The following HACD3 variants were observed in gnomAD, a reference collection of about 807,000 sequenced individuals.
HACD3 encodes the protein 3-hydroxyacyl-CoA dehydratase 3.
A neutral mutation model predicts 55.2 loss-of-function variants in HACD3; 30 were observed. The observed-to-expected ratio is 0.54, with a 90% CI of 0.41 to 0.74. HACD3 has a LOEUF of 0.74. Among genes scored for constraint, HACD3 ranks in the 30% least tolerant of loss-of-function variants. The pLI is 0.00. For missense variants in HACD3, 363 were observed against 440.1 expected, an observed-to-expected ratio of 0.82 and a Z score of 1.57; for synonymous variants, 141 against 151.7, an observed-to-expected ratio of 0.93 and a Z score of 0.52.
intron 1 of HACD3, chr15:65,535,890 A>C (rs1366281485): frequency 1.9e-6 from 1 of 530,526 alleles, no homozygotes; most frequent in Non-Finnish European, 3.4e-6. Flanking sequence ...GGGTCTCATT[A>C]TGTTGGCCAG....
At chr15:65,544,889 C>T (rs2072058767) in intron 1 of HACD3, among the ~76,000 whole-genome samples, 1 of 151,866 alleles carries the variant, frequency 6.6e-6, no homozygotes, top group Non-Finnish European at 1.5e-5. Context: ...GGCGTGGTTG[C>T]ACGTGTCTGT....
chr15:65,569,222 T>A (rs2072324244), intron 7 of HACD3, among the ~76,000 whole-genome samples: 1 of 139,950 alleles, frequency 7.1e-6, no homozygotes, highest in South Asian at 2.2e-4. Flanking sequence ...CACTCCAGCC[T>A]GGACGACAGA....
intron 1 of HACD3, among the ~76,000 whole-genome samples, chr15:65,540,869 G>A (rs1461751749): frequency 6.6e-6 from 1 of 152,246 alleles, no homozygotes; most frequent in African/African-American, 2.4e-5. Flanking sequence ...TGTTATAGTA[G>A]TATGGGTAAG....
At chr15:65,564,842 A>G (rs2072276835) in intron 7 of HACD3, 1 of 153,018 alleles carries the variant, frequency 6.5e-6, no homozygotes, top group Non-Finnish European at 1.5e-5. Flanking sequence ...AGTCCCCCAA[A>G]GTCTTATTTC....
rs151201949 is a variant in HACD3, at chr15:65,572,276, G to A, written c.922G>A (p.Gly308Arg). The A allele has an allele frequency of 3.2e-4, 519 of 1,613,338 alleles. 4 individuals carry two copies. In the African/African-American group the frequency reaches 5.8e-3, roughly 18 times the overall value. ...GTCCATTCCAATATTCAATGAGACC[G>A]GACGATTCAGTTTCACATTGCCATA... ...IQSIPIFNET[G>R]RFSFTLPYPV... The change falls in exon 10 of 11, where the codon GGA (glycine) becomes AGA (arginine). Residue 308 changes from glycine to arginine, a missense_variant. Coordinates refer to ENST00000261875, the MANE Select transcript of HACD3 (RefSeq NM_016395.4).
rs1013728139 is a variant in HACD3, at chr15:65,577,151, A to T, written c.*772A>T. On this transcript the variant is annotated 3_prime_UTR_variant, in exon 11 of 11. Coordinates refer to ENST00000261875, the MANE Select transcript of HACD3 (RefSeq NM_016395.4). ...ATTACAAGTTCCAAACTCAGCCAGG[A>T]ATGTGGCTCACACCTGTAATCCCAG... The T allele has an allele frequency of 1.3e-5, 2 of 152,226 alleles. No individual in the cohort carries two copies. Among genetic ancestry groups the T allele is most frequent in the Non-Finnish European group, 1.5e-5 (1 of 68,052 alleles). The allele number at this position is 152,226 out of a possible 1,614,324, so 9.4% of individuals were successfully genotyped here. A position where few individuals can be genotyped will look rare whatever the true frequency, so the allele number is the denominator to read the frequency against.
intron 5 of HACD3, among the ~76,000 whole-genome samples, chr15:65,561,638 A>T (rs970567422): frequency 3.9e-5 from 6 of 152,140 alleles, no homozygotes; most frequent in Admixed American, 3.9e-4. Flanking sequence ...TCAACACAGA[A>T]GACTTCTGTG....
chr15:65,573,148 CTCCTCAT>C (rs2072368035), intron 10 of HACD3, among the ~76,000 whole-genome samples: 1 of 151,936 alleles, frequency 6.6e-6, no homozygotes, highest in Admixed American at 6.6e-5. Context: ...AAGTCCCCTG[CTCCTCAT>C]GGAAAACCTG....
chr15:65,542,773 A>G (rs900976476), intron 1 of HACD3, among the ~76,000 whole-genome samples: 4 of 152,098 alleles, frequency 2.6e-5, no homozygotes, highest in Non-Finnish European at 5.9e-5. Flanking sequence ...ATTCAAAGAT[A>G]AAATTGTCTT....
At chr15:65,559,877 T>A (rs977769627) in intron 5 of HACD3, among the ~76,000 whole-genome samples, 2 of 152,222 alleles carry the variant, frequency 1.3e-5, no homozygotes, top group African/African-American at 4.8e-5. Context: ...TTTTGGGTGT[T>A]AGGTAAAGCT....
intron 7 of HACD3, among the ~76,000 whole-genome samples, chr15:65,568,988 CTGTA>C (rs1201091883): frequency 6.6e-6 from 1 of 152,098 alleles, no homozygotes; most frequent in Non-Finnish European, 1.5e-5. Flanking sequence ...TGGCTCATGC[CTGTA>C]ATCCCAGCAC....
chr15:65,539,802 T>C (rs2072001947), intron 1 of HACD3, among the ~76,000 whole-genome samples: 1 of 145,768 alleles, frequency 6.9e-6, no homozygotes, highest in Admixed American at 7.3e-5. Context: ...ACCATCTTTA[T>C]AGAATTAAAG....
chr15:65,539,135 G>C (rs1227839110), intron 1 of HACD3, among the ~76,000 whole-genome samples: 1 of 147,394 alleles, frequency 6.8e-6, no homozygotes, highest in Non-Finnish European at 1.5e-5. Context: ...ATAGGATACT[G>C]TTTCTCACAT....
chr15:65,538,000 T>C (rs1032067011), intron 1 of HACD3, among the ~76,000 whole-genome samples: 7 of 128,198 alleles, frequency 5.5e-5, no homozygotes, highest in African/African-American at 1.4e-4. Flanking sequence ...TATATATATA[T>C]GTATATTCCT....
chr15:65,572,157 A>G, intron 9 of HACD3, 78 bp from the exon 10 acceptor site: 1 of 1,553,814 alleles, frequency 6.4e-7, no homozygotes, highest in Non-Finnish European at 8.7e-7. Flanking sequence ...GAAACTTTAG[A>G]GTACTAGGAC....
intron 9 of HACD3, among the ~76,000 whole-genome samples, chr15:65,572,030 T>C (rs2072353129): frequency 6.6e-6 from 1 of 152,214 alleles, no homozygotes; most frequent in South Asian, 2.1e-4. Context: ...GACTTCCTCA[T>C]CTGTCTCTCT....
intron 1 of HACD3, among the ~76,000 whole-genome samples, chr15:65,548,142 T>C (rs1458745191): frequency 6.6e-6 from 1 of 152,214 alleles, no homozygotes; most frequent in Non-Finnish European, 1.5e-5. Context: ...TTCTTACTAG[T>C]TGCCAGGGTC....
At chr15:65,534,110 A>G (rs1240292999) in intron 1 of HACD3, among the ~76,000 whole-genome samples, 1 of 151,992 alleles carries the variant, frequency 6.6e-6, no homozygotes, top group Non-Finnish European at 1.5e-5. Flanking sequence ...CACTTCATTT[A>G]TTTGTTCAGT....
rs751097633 is a variant in HACD3, at chr15:65,558,696, A to G, written c.386A>G (p.Asn129Ser). 1 of 1,600,118 alleles carries G rather than the reference A, an allele frequency of 6.2e-7. No homozygotes were observed. Among genetic ancestry groups the G allele is most frequent in the East Asian group, 2.2e-5 (1 of 44,484 alleles). The part of the protein sequence containing the change: ...ELRAKEEERL[N>S]KLRLESEGSP... ...AAATTCTAGGAAGAAGAGCGCCTAA[A>G]TAAACTCCGACTGGAAAGCGAAGGC... The change falls in exon 5 of 11, where the codon AAT becomes AGT. Residue 129 changes from asparagine (N) to serine (S), a missense_variant. Transcript: ENST00000261875.
Sources: gnomAD v4.1 joint callset for allele counts (sites outside exome capture counted in the v4.1 genomes callset) on GRCh38, gnomAD v4.1.1 for gene constraint, MANE v1.5 for transcripts, NCBI Gene and HGNC (gene_info 2026-07-23, HGNC 2026-07-21) for gene names.